LRP1B: variants seen among roughly 807,000 people sequenced by gnomAD.
The protein encoded by LRP1B is LDL receptor related protein 1B, also known as low-density lipoprotein receptor-related protein 1B.
In LRP1B, 217 loss-of-function variants were observed where a neutral mutation model predicts 556.6. That is an observed-to-expected ratio of 0.39 (90% CI 0.35 to 0.44). The LOEUF (loss-of-function observed/expected upper bound fraction) is 0.44. Ranked by LOEUF, LRP1B falls within the 20% of genes least tolerant of loss-of-function variation. The pLI is 1.00. For missense variants in LRP1B, 5,053 were observed against 5,620.8 expected, an observed-to-expected ratio of 0.90 and a Z score of 3.23; for synonymous variants, 2,047 against 1,865.8, an observed-to-expected ratio of 1.10 and a Z score of -2.50.
At chr2:141,740,634 T>C (rs1693661271) in intron 2 of LRP1B, among the ~76,000 whole-genome samples, 1 of 152,144 alleles carries the variant, frequency 6.6e-6, no homozygotes, top group South Asian at 2.1e-4. Flanking sequence ...ACACATAAAT[T>C]ATTTTTTACT....
At chr2:141,991,332 C>T (rs1257899718) in intron 1 of LRP1B, among the ~76,000 whole-genome samples, 3 of 151,908 alleles carry the variant, frequency 2.0e-5, no homozygotes, top group Non-Finnish European at 2.9e-5. Context: ...CACTTATGTC[C>T]AGCATATTGT....
intron 35 of LRP1B, among the ~76,000 whole-genome samples, chr2:140,734,273 GAA>G (rs1237319719): frequency 1.3e-5 from 2 of 152,178 alleles, no homozygotes; most frequent in Admixed American, 6.6e-5. Context: ...GAAATATGCA[GAA>G]ATTGGAATGA....
chr2:141,753,415 T>A (rs1394043010), intron 2 of LRP1B, among the ~76,000 whole-genome samples: 1 of 151,578 alleles, frequency 6.6e-6, no homozygotes, highest in Non-Finnish European at 1.5e-5. Flanking sequence ...TTCTCATCTG[T>A]AGCCACAATG....
intron 7 of LRP1B, among the ~76,000 whole-genome samples, chr2:141,177,866 G>A (rs1050470057): frequency 6.6e-6 from 1 of 152,060 alleles, no homozygotes; most frequent in African/African-American, 2.4e-5. Flanking sequence ...AATAGAGTTA[G>A]CCTTCAGACA....
intron 1 of LRP1B, among the ~76,000 whole-genome samples, chr2:142,113,508 C>G (rs1707076930): frequency 2.0e-5 from 3 of 150,114 alleles, no homozygotes; most frequent in Non-Finnish European, 4.4e-5. Context: ...AATGTAGCTT[C>G]AAAGTTAGGA....
At chr2:141,853,729 C>A (rs1184386975) in intron 1 of LRP1B, among the ~76,000 whole-genome samples, 1 of 151,846 alleles carries the variant, frequency 6.6e-6, no homozygotes, top group African/African-American at 2.4e-5. Context: ...AAAGTGACAT[C>A]TCTAGAAATG....
intron 3 of LRP1B, among the ~76,000 whole-genome samples, chr2:141,358,158 TC>T (rs1468497583): frequency 2.0e-5 from 3 of 152,136 alleles, no homozygotes; most frequent in East Asian, 3.8e-4. Flanking sequence ...TATCTCCTAC[TC>T]CAAAATATGC....
intron 2 of LRP1B, among the ~76,000 whole-genome samples, chr2:141,565,228 A>G (rs1405929386): frequency 3.9e-5 from 6 of 152,012 alleles, no homozygotes. Context: ...GAATGAGAAC[A>G]TTTTTTATGT....
intron 89 of LRP1B, among the ~76,000 whole-genome samples, chr2:140,236,660 A>G (rs528490907): frequency 1.3e-5 from 2 of 151,072 alleles, no homozygotes; most frequent in South Asian, 4.2e-4. Context: ...GTTTTAAACT[A>G]GTAAGGATAT....
At chr2:140,806,242 A>C (rs188607095) in intron 32 of LRP1B, among the ~76,000 whole-genome samples, 3 of 152,242 alleles carry the variant, frequency 2.0e-5, no homozygotes. Context: ...CTCTCAGCCT[A>C]TGTTAATTTG....
In LRP1B at chr2:140,798,695, C is replaced by A. The variant is rs192150770; in HGVS notation, c.5359+14962G>T. ...TATTTACCAGCATCATATTGTCAACCTGCTAGATGACAGTAGCAACCCCCT... is the reference window on the plus strand; with the variant it reads ...TATTTACCAGCATCATATTGTCAACATGCTAGATGACAGTAGCAACCCCCT... On this transcript the variant is annotated intron_variant, in intron 32 of 90. Transcript: ENST00000389484. 2.5e-4 allele frequency among the ~76,000 whole-genome samples: 38 copies of A among 152,318 alleles called. No homozygotes were observed. The East Asian group carries it at 3.5e-3, about 14-fold the overall frequency.
chr2:140,830,791 C>A (rs1465672502), intron 31 of LRP1B, among the ~76,000 whole-genome samples: 2 of 151,952 alleles, frequency 1.3e-5, no homozygotes, highest in Non-Finnish European at 2.9e-5. Flanking sequence ...TTTTAAGATG[C>A]ATGATATTAT....
At chr2:140,713,427 G>T (rs563435314) in intron 37 of LRP1B, among the ~76,000 whole-genome samples, 1 of 151,714 alleles carries the variant, frequency 6.6e-6, no homozygotes, top group Non-Finnish European at 1.5e-5. Flanking sequence ...GGAAGGGAAA[G>T]AACCCTTTTG....
chr2:141,110,807 AGT>A (rs1700732031), intron 7 of LRP1B, among the ~76,000 whole-genome samples: 1 of 152,128 alleles, frequency 6.6e-6, no homozygotes, highest in African/African-American at 2.4e-5. Flanking sequence ...TTCTGCCTTT[AGT>A]CAAATAAGGG....
chr2:141,724,993 C>T (rs1046325234), intron 2 of LRP1B, among the ~76,000 whole-genome samples: 2 of 151,764 alleles, frequency 1.3e-5, no homozygotes, highest in African/African-American at 4.8e-5. Flanking sequence ...TTCCCAATCC[C>T]GCCTTTTATG....
At chr2:141,872,757 G>T (rs1299560506) in intron 1 of LRP1B, among the ~76,000 whole-genome samples, 1 of 151,676 alleles carries the variant, frequency 6.6e-6, no homozygotes, top group Non-Finnish European at 1.5e-5. Flanking sequence ...AAAAAAAATG[G>T]ATATCATCTA....
chr2:141,360,864 A>G (rs1174134242), intron 3 of LRP1B, among the ~76,000 whole-genome samples: 1 of 152,226 alleles, frequency 6.6e-6, no homozygotes, highest in Non-Finnish European at 1.5e-5. Flanking sequence ...GCATATAAAT[A>G]TATAGCACAT....
intron 2 of LRP1B, among the ~76,000 whole-genome samples, chr2:141,756,812 G>A (rs550575450): frequency 1.3e-5 from 2 of 151,978 alleles, no homozygotes; most frequent in Admixed American, 1.3e-4. Flanking sequence ...GTATGTAGTG[G>A]GGTATACCAT....
chr2:140,609,306 C>T (rs1682984644), intron 41 of LRP1B, among the ~76,000 whole-genome samples: 1 of 152,144 alleles, frequency 6.6e-6, no homozygotes, highest in Non-Finnish European at 1.5e-5. Context: ...AAGCTATGAA[C>T]CAGAACCCAA....
Sources: gnomAD v4.1 joint callset for allele counts (sites outside exome capture counted in the v4.1 genomes callset) on GRCh38, gnomAD v4.1.1 for gene constraint, MANE v1.5 for transcripts, NCBI Gene and HGNC (gene_info 2026-07-23, HGNC 2026-07-21) for gene names.